Variants in ZNF813 observed in about 807,000 individuals in gnomAD.
ZNF813 encodes the protein zinc finger protein 813.
Under a neutral mutation model 7.2 loss-of-function variants are expected in ZNF813, and 3 were observed. The observed-to-expected ratio is 0.42, with a 90% CI of 0.19 to 1.08. The LOEUF (loss-of-function observed/expected upper bound fraction) is 1.08, where lower values mean the gene tolerates loss of function less well. Among genes scored for constraint, ZNF813 ranks in the 50% least tolerant of loss-of-function variants. ZNF813 has a pLI of 0.30. For synonymous variants in ZNF813, 227 were observed against 256.3 expected (o/e 0.89, Z 1.09); for missense variants, 714 against 753.3 (o/e 0.95, Z 0.61).
chr19:53,492,655 G>A lies in ZNF813; in HGVS notation c.*569G>A. 1.2e-6 allele frequency: 1 copy of A among 809,592 alleles called. No individual in the cohort carries two copies. The highest frequency in any genetic ancestry group is 2.0e-6 in the Non-Finnish European group (1 of 511,454). The allele number at this position is 809,592 out of a possible 1,614,324, so 50.2% of individuals were successfully genotyped here. A position where few individuals can be genotyped will look rare whatever the true frequency, so the allele number is the denominator to read the frequency against. On this transcript the variant is annotated 3_prime_UTR_variant, in exon 4 of 4. Coordinates refer to ENST00000396403, the MANE Select transcript of ZNF813 (RefSeq NM_001004301.4). ...TGTAATGATTGTCACCAAGTCTTCAGTAACGCTACAACCATTGCAAATCAT... is the reference window on the plus strand; with the variant it reads ...TGTAATGATTGTCACCAAGTCTTCAATAACGCTACAACCATTGCAAATCAT...
intron 1 of ZNF813, among the ~76,000 whole-genome samples, chr19:53,477,610 A>G (rs1423096234): frequency 6.6e-6 from 1 of 152,048 alleles, no homozygotes; most frequent in African/African-American, 2.4e-5. Flanking sequence ...GAGTCCAGGT[A>G]TATGAGACCA....
Position 53,494,076 on chromosome 19 carries a change from A to G in ZNF813, c.*1990A>G, listed in dbSNP as rs2147165493. 1 of 152,368 alleles carries G rather than the reference A, an allele frequency of 6.6e-6. No individual in the cohort carries two copies. Among genetic ancestry groups the G allele is most frequent in the Admixed American group, 6.5e-5 (1 of 15,308 alleles). 9.4% of individuals were successfully genotyped at this position (152,368 alleles called of 1,614,324 possible). A position where few individuals can be genotyped will look rare whatever the true frequency, so the allele number is the denominator to read the frequency against. Reference sequence around the variant, plus strand: ...ATCTTTCATTCTGTTCAAGTGGCATATCACATTGATTTGCTTGACTATGTT... The same window carrying G: ...ATCTTTCATTCTGTTCAAGTGGCATGTCACATTGATTTGCTTGACTATGTT... On this transcript the variant is annotated 3_prime_UTR_variant, in exon 4 of 4. Transcript: ENST00000396403.
In ZNF813 at chr19:53,493,037, G is replaced by A; in HGVS notation, c.*951G>A. On this transcript the variant is annotated 3_prime_UTR_variant, in exon 4 of 4. Coordinates refer to ENST00000396403, the MANE Select transcript of ZNF813 (RefSeq NM_001004301.4). ...TCAGAAAATTCATTTTGAGATAATT[G>A]TTCCAAATGCAATGAGTAGAGCAAA... is the stretch of plus-strand genomic sequence containing the variant. 2.4e-6 allele frequency: 1 copy of A among 412,524 alleles called. No homozygotes were observed. Among genetic ancestry groups the A allele is most frequent in the Non-Finnish European group, 4.8e-6 (1 of 206,440 alleles). The allele number at this position is 412,524 out of a possible 1,614,324, so 25.6% of individuals were successfully genotyped here.
chr19:53,490,495 A>G lies in ZNF813; in HGVS notation c.263A>G (p.Gln88Arg), dbSNP rs775298056. The change falls in exon 4 of 4, where the codon CAG becomes CGG. Residue 88 changes from glutamine (Q) to arginine (R), a missense_variant. Transcript: ENST00000396403. ...CATCACACTGGAGACTTTCGCTTTC[A>G]GGAAATTGATAAAGATATTCATAAC... ...ESHHTGDFRF[Q>R]EIDKDIHNLE... 1 of 1,614,192 alleles carries G rather than the reference A, an allele frequency of 6.2e-7. No homozygotes were observed. The highest frequency in any genetic ancestry group is 1.7e-5 in the Admixed American group (1 of 60,018).
chr19:53,487,511 C>T (rs932680162), intron 3 of ZNF813, among the ~76,000 whole-genome samples: 4 of 152,158 alleles, frequency 2.6e-5, no homozygotes, highest in African/African-American at 7.2e-5. Flanking sequence ...CCAGCTCAAC[C>T]GATCCTTGTG....
At chr19:53,482,706 CTTTTTGTTTTTT>C (rs2086414281) in intron 1 of ZNF813, among the ~76,000 whole-genome samples, 1 of 91,470 alleles carries the variant, frequency 1.1e-5, no homozygotes, top group African/African-American at 3.9e-5. Context: ...ATCAGGAATG[CTTTTTGTTTTTT>C]TTTTTTTTTT....
intron 1 of ZNF813, among the ~76,000 whole-genome samples, chr19:53,472,073 G>A (rs550537859): frequency 6.6e-6 from 1 of 152,268 alleles, no homozygotes; most frequent in African/African-American, 2.4e-5. Context: ...CGGAATTGTT[G>A]CTGGTCCGGG....
At position 53,496,166 on chromosome 19, in the gene ZNF813, C is replaced by A; in HGVS notation, c.*4080C>A. On this transcript the variant is annotated 3_prime_UTR_variant, in exon 4 of 4. Coordinates refer to ENST00000396403, the MANE Select transcript of ZNF813 (RefSeq NM_001004301.4). The stretch of plus-strand genomic sequence containing the variant: ...GTTTTATTGGGAATATGTTTTTTCT[C>A]TGAATCTGCTATGAACACGTCAGTT... 1 of 194,070 alleles carries A rather than the reference C, an allele frequency of 5.2e-6. No individual in the cohort carries two copies. The highest frequency in any genetic ancestry group is 1.0e-4 in the South Asian group (1 of 9,902). The allele number at this position is 194,070 out of a possible 1,614,324, so 12.0% of individuals were successfully genotyped here.
At position 53,491,431 on chromosome 19, in the gene ZNF813, G is replaced by A; in HGVS notation, c.1199G>A (p.Cys400Tyr). ...TTCAGTCAGGAGTTAACCCTTAAAT[G>A]CCATCGTAGACTTCATACCGGAGAG... ...KTFSQELTLK[C>Y]HRRLHTGEKP... Residue 400 changes from cysteine (C) to tyrosine (Y), a missense_variant, in exon 4 of 4, where the codon TGC (cysteine) becomes TAC (tyrosine). Around this residue, in one of 3 missense-constraint regions of ZNF813, gnomAD observed 563 missense variants for 554.2 expected, o/e 1.02. Coordinates refer to ENST00000396403, the MANE Select transcript of ZNF813 (RefSeq NM_001004301.4). 2 of 1,614,112 alleles carry A rather than the reference G, an allele frequency of 1.2e-6. No individual in the cohort carries two copies. The highest frequency in any genetic ancestry group is 1.7e-6 in the Non-Finnish European group (2 of 1,180,014).
chr19:53,479,066 G>A lies in ZNF813; in HGVS notation c.-73-4684G>A, dbSNP rs9749571. Among the ~76,000 whole-genome samples the A allele has an allele frequency of 4.1e-3, 616 of 151,894 alleles. 3 individuals are homozygous for A. The highest frequency in any genetic ancestry group is 0.014 in the African/African-American group (580 of 41,438). On this transcript the variant is annotated intron_variant, in intron 1 of 3. Transcript: ENST00000396403. ...TCTTTTGCCTCAACCTCCCGAGTAC[G>A]TGGGACTACAGGCCCACGCCACCAC...
intron 1 of ZNF813, among the ~76,000 whole-genome samples, chr19:53,472,607 C>CTTTTTTTTTTTTTTTTTTTTTTTT (rs200658542): frequency 7.3e-6 from 1 of 136,462 alleles, no homozygotes; most frequent in African/African-American, 2.8e-5. Flanking sequence ...AAGTACAAGT[C>CTTTTTTTTTTTTTTTTTTTTTTTT]TTTCTTTTTT....
intron 1 of ZNF813, among the ~76,000 whole-genome samples, chr19:53,480,853 C>G (rs1163099676): frequency 6.6e-6 from 1 of 152,074 alleles, no homozygotes; most frequent in African/African-American, 2.4e-5. Context: ...CAACACCAGG[C>G]CATGGGGGCT....
At chr19:53,483,195 C>T (rs8100127) in intron 1 of ZNF813, among the ~76,000 whole-genome samples, 76,626 of 151,234 alleles carry the variant, frequency 0.51, 19,927 homozygotes, top group Middle Eastern at 0.6. Context: ...CAGGCACGAG[C>T]CACCGTGCCC....
intron 1 of ZNF813, among the ~76,000 whole-genome samples, chr19:53,471,582 G>A (rs1250119899): frequency 6.6e-6 from 1 of 151,978 alleles, no homozygotes; most frequent in African/African-American, 2.4e-5. Context: ...GGCTGATGCG[G>A]GTGGATCACA....
At chr19:53,474,459 T>C (rs565822671) in intron 1 of ZNF813, among the ~76,000 whole-genome samples, 2 of 152,018 alleles carry the variant, frequency 1.3e-5, no homozygotes, top group Non-Finnish European at 2.9e-5. Flanking sequence ...GAGGCCAAGG[T>C]GGGCAGATCA....
At chr19:53,473,294 T>TGTC (rs1329479118) in intron 1 of ZNF813, among the ~76,000 whole-genome samples, 1 of 152,198 alleles carries the variant, frequency 6.6e-6, no homozygotes, top group Non-Finnish European at 1.5e-5. Flanking sequence ...GAGCAGGGCT[T>TGTC]GTCCCCTCCA....
chr19:53,482,561 C>T (rs1174245520), intron 1 of ZNF813, among the ~76,000 whole-genome samples: 6 of 152,138 alleles, frequency 3.9e-5, no homozygotes, highest in East Asian at 1.9e-4. Context: ...TAAATGATCA[C>T]GGCACTGTCC....
intron 1 of ZNF813, among the ~76,000 whole-genome samples, chr19:53,475,977 G>C (rs2086380054): frequency 1.3e-5 from 2 of 152,030 alleles, no homozygotes; most frequent in East Asian, 3.9e-4. Context: ...TAACGACTTA[G>C]CCATCAGTGA....
In ZNF813 at chr19:53,493,186, T is replaced by A. The variant is rs1178482198; in HGVS notation, c.*1100T>A. ...CGGGTAGATCACTTGAGGTCAGGAG[T>A]TTCAGATCAGTCTGGCCAACAAACA... On this transcript the variant is annotated 3_prime_UTR_variant, in exon 4 of 4. Transcript: ENST00000396403. The A allele has an allele frequency of 4.9e-6, 1 of 202,640 alleles. No homozygotes were observed. Among genetic ancestry groups the A allele is most frequent in the African/African-American group, 2.4e-5 (1 of 42,488 alleles). 12.6% of individuals were successfully genotyped at this position (202,640 alleles called of 1,614,324 possible).
Sources: allele counts gnomAD v4.1 joint callset (sites outside exome capture counted in the v4.1 genomes callset), GRCh38; gene constraint gnomAD v4.1.1; regional missense constraint gnomAD v4.1.1; transcripts MANE v1.5; gene names NCBI Gene and HGNC (gene_info 2026-07-23, HGNC 2026-07-21).